MAP4K3: variants seen among roughly 807,000 people sequenced by gnomAD.
MAP4K3 encodes the protein MAPK/ERK kinase kinase kinase 3.
In MAP4K3, 94 loss-of-function variants were observed where a neutral mutation model predicts 143.5. The observed-to-expected ratio is 0.65, with a 90% CI of 0.55 to 0.78. The LOEUF is 0.78. Ranked by LOEUF, MAP4K3 falls within the 30% of genes least tolerant of loss-of-function variation. The pLI, the probability that MAP4K3 is intolerant of heterozygous loss-of-function variation, is 0.00. For missense variants in MAP4K3, 1,077 were observed against 1,068.1 expected (o/e 1.01, Z -0.12); for synonymous variants, 416 against 347.2 (o/e 1.20, Z -2.20).
chr2:39,304,928 C>A (rs557122825), intron 15 of MAP4K3, among the ~76,000 whole-genome samples: 2 of 152,066 alleles, frequency 1.3e-5, no homozygotes, highest in Non-Finnish European at 2.9e-5. Flanking sequence ...GAAGGTATTA[C>A]GAAATTATGC....
At chr2:39,341,699 T>C (rs375309694) in intron 4 of MAP4K3, among the ~76,000 whole-genome samples, 5 of 149,638 alleles carry the variant, frequency 3.3e-5, no homozygotes, top group African/African-American at 1.2e-4. Context: ...AACCAATTAG[T>C]AAGGAAATCA....
intron 1 of MAP4K3, among the ~76,000 whole-genome samples, chr2:39,403,803 G>C (rs901753099): frequency 2.0e-5 from 3 of 150,934 alleles, no homozygotes; most frequent in African/African-American, 7.3e-5. Flanking sequence ...ACCCCAGCTA[G>C]TGACTCTAAA....
chr2:39,315,472 A>G, intron 12 of MAP4K3, 84 bp from the exon 13 acceptor site: 1 of 936,462 alleles, frequency 1.1e-6, no homozygotes. Context: ...ATAGGAAAAA[A>G]TACTTCATTT....
At position 39,325,777 on chromosome 2, in the gene MAP4K3, G is replaced by C; in HGVS notation, c.760C>G (p.Leu254Val). The C allele has an allele frequency of 1.2e-6, 2 of 1,609,858 alleles. No homozygotes were observed. The highest frequency in any genetic ancestry group is 1.7e-6 in the Non-Finnish European group (2 of 1,178,522). Residue 254 changes from leucine to valine, a missense_variant, in exon 11 of 34, where the codon CTT (leucine) becomes GTT (valine). By Grantham distance (32) the Leu-to-Val change is conservative (BLOSUM62 1). Coordinates refer to ENST00000263881, the MANE Select transcript of MAP4K3 (RefSeq NM_003618.4). ...GGTCTTTTTTTCGGATTTTTGGTAA[G>C]TGCCATTTTCACAAAGTGATGAAAA... ...NSFHHFVKMA[L>V]TKNPKKRPTA... is the part of the protein sequence containing the mutation.
chr2:39,301,204 TTG>T (rs1471232907), intron 15 of MAP4K3, among the ~76,000 whole-genome samples: 1 of 152,212 alleles, frequency 6.6e-6, no homozygotes, highest in Non-Finnish European at 1.5e-5. Context: ...TCTTCAATAT[TTG>T]TGTTATTCCA....
chr2:39,266,543 ACT>A (rs1680772355), intron 27 of MAP4K3, among the ~76,000 whole-genome samples: 3 of 151,268 alleles, frequency 2.0e-5, no homozygotes, highest in Non-Finnish European at 2.9e-5. Flanking sequence ...GTTTGAAATG[ACT>A]CTCCATCTAT....
chr2:39,270,998 G>A (rs1019480549), intron 26 of MAP4K3, among the ~76,000 whole-genome samples: 2 of 151,740 alleles, frequency 1.3e-5, no homozygotes, highest in Non-Finnish European at 2.9e-5. Context: ...TAAAATTCCT[G>A]AAATAATAAC....
chr2:39,319,884 T>C (rs1683247664), intron 12 of MAP4K3, among the ~76,000 whole-genome samples: 2 of 152,212 alleles, frequency 1.3e-5, no homozygotes, highest in Non-Finnish European at 2.9e-5. Flanking sequence ...TGAAAGCTAG[T>C]GTATTCAAAC....
At chr2:39,365,460 C>T (rs1298528606) in intron 2 of MAP4K3, among the ~76,000 whole-genome samples, 2 of 106,414 alleles carry the variant, frequency 1.9e-5, no homozygotes, top group African/African-American at 3.7e-5. Context: ...TTTTTTGAGA[C>T]GGAGTCTCGC....
rs1680534492 is a variant in MAP4K3, at chr2:39,260,716, T to A, written c.2198A>T (p.Gln733Leu). The stretch of plus-strand genomic sequence containing the variant: ...ACCAACACAAACTAAAGGGTACTCC[T>A]GTTCAGGAACTACCAGCATTTCAAA... Reference protein sequence around the residue: ...RMFEMLVVPEQEYPLVCVGVS... With the variant: ...RMFEMLVVPELEYPLVCVGVS... Residue 733 changes from glutamine to leucine, a missense_variant, in exon 29 of 34, where the codon CAG becomes CTG. Gln to Leu is a moderately radical substitution (Grantham distance 113). Coordinates refer to ENST00000263881, the MANE Select transcript of MAP4K3 (RefSeq NM_003618.4). 1 of 1,613,628 alleles carries A rather than the reference T, an allele frequency of 6.2e-7. No homozygotes were observed. Among genetic ancestry groups the A allele is most frequent in the African/African-American group, 1.3e-5 (1 of 74,918 alleles).
At chr2:39,298,336 A>G (rs897860634) in intron 16 of MAP4K3, among the ~76,000 whole-genome samples, 1 of 152,096 alleles carries the variant, frequency 6.6e-6, no homozygotes, top group Non-Finnish European at 1.5e-5. Flanking sequence ...TTTAAAAAAC[A>G]TAAATGCTAA....
chr2:39,272,818 T>G (rs1459126100), intron 24 of MAP4K3, among the ~76,000 whole-genome samples: 1 of 152,146 alleles, frequency 6.6e-6, no homozygotes, highest in African/African-American at 2.4e-5. Context: ...AACCCCAAAC[T>G]ATGCAGGGAA....
chr2:39,428,571 G>A (rs1317755881), intron 1 of MAP4K3, among the ~76,000 whole-genome samples: 2 of 152,008 alleles, frequency 1.3e-5, no homozygotes, highest in South Asian at 2.1e-4. Context: ...AGCTACTCGG[G>A]AGGCTGAGGC....
intron 1 of MAP4K3, among the ~76,000 whole-genome samples, chr2:39,399,864 A>T (rs1666907011): frequency 6.6e-6 from 1 of 152,234 alleles, no homozygotes; most frequent in African/African-American, 2.4e-5. Context: ...ACTAAGATCT[A>T]GCCAGGTACA....
chr2:39,317,444 G>T (rs936460953), intron 12 of MAP4K3, among the ~76,000 whole-genome samples: 2 of 152,064 alleles, frequency 1.3e-5, no homozygotes, highest in African/African-American at 4.8e-5. Flanking sequence ...GTTCGGCACA[G>T]CAAAAGAAAC....
chr2:39,360,463 C>T (rs1387805141), intron 2 of MAP4K3, among the ~76,000 whole-genome samples: 1 of 152,154 alleles, frequency 6.6e-6, no homozygotes, highest in African/African-American at 2.4e-5. Flanking sequence ...TCTTCTGAGC[C>T]CTCCAAACTG....
chr2:39,339,374 G>A (rs565966949), intron 4 of MAP4K3, among the ~76,000 whole-genome samples: 53 of 152,220 alleles, frequency 3.5e-4, no homozygotes, highest in Non-Finnish European at 6.6e-4. Flanking sequence ...ATAACACTTG[G>A]AAGTGAAAGA....
At chr2:39,316,007 T>C (rs1328698205) in intron 12 of MAP4K3, among the ~76,000 whole-genome samples, 2 of 152,264 alleles carry the variant, frequency 1.3e-5, no homozygotes, top group Non-Finnish European at 2.9e-5. Context: ...ATATAACTTA[T>C]GCTTATGTGA....
At chr2:39,414,774 T>G (rs1307348481) in intron 1 of MAP4K3, among the ~76,000 whole-genome samples, 1 of 151,436 alleles carries the variant, frequency 6.6e-6, no homozygotes, top group Non-Finnish European at 1.5e-5. Flanking sequence ...ACTCGGGGGG[T>G]GCTGGGGCAG....
Sources: gnomAD v4.1 joint callset for allele counts (sites outside exome capture counted in the v4.1 genomes callset) on GRCh38, gnomAD v4.1.1 for gene constraint, MANE v1.5 for transcripts, NCBI Gene and HGNC (gene_info 2026-07-23, HGNC 2026-07-21) for gene names.